Variants in CAPRIN1 observed in about 807,000 individuals in gnomAD.
CAPRIN1 encodes cell cycle associated protein 1.
A neutral mutation model predicts 100.9 loss-of-function variants in CAPRIN1; 29 were observed. The ratio of observed to expected loss-of-function variants is 0.29; its 90% CI spans 0.21 to 0.39. The LOEUF (loss-of-function observed/expected upper bound fraction) is 0.39. Among genes scored for constraint, CAPRIN1 ranks in the 10% least tolerant of loss-of-function variants. The pLI, the probability that CAPRIN1 is intolerant of heterozygous loss-of-function variation, is 1.00. For missense variants in CAPRIN1, 795 were observed against 876.7 expected (o/e 0.91, Z 1.18); for synonymous variants, 338 against 307.5 (o/e 1.10, Z -1.04).
intron 2 of CAPRIN1, among the ~76,000 whole-genome samples, chr11:34,067,687 C>G (rs1307869025): frequency 6.6e-6 from 1 of 151,964 alleles, no homozygotes; most frequent in East Asian, 1.9e-4. Context: ...TTTGTAGAGA[C>G]AGGTTCTCAC....
intron 4 of CAPRIN1, 147 bp from the exon 5 acceptor site, chr11:34,076,088 AT>A: frequency 1.6e-6 from 1 of 611,248 alleles, no homozygotes; most frequent in Non-Finnish European, 2.9e-6. Context: ...GTTTAAAACT[AT>A]TTGTAAGTCA....
rs1257984623 is a variant in CAPRIN1, at chr11:34,089,261, ACTCCCCCCCCC to A, written c.1232-132_1232-122del. The A allele has an allele frequency of 1.3e-3, 8 of 6,074 alleles. 2 individuals carry two copies. In the African/African-American group the frequency reaches 0.029, roughly 22 times the overall value. The allele number at this position is 6,074 out of a possible 1,614,324, so 0.4% of individuals were successfully genotyped here. A position where few individuals can be genotyped will look rare whatever the true frequency, so the allele number is the denominator to read the frequency against. The stretch of plus-strand genomic sequence containing the variant: ...TCCAGCCTGGGTGACAGAGTGAGAC[ACTCCCCCCCCC>A]CCCCCCCCCGCAAAAAAAAAAAAAA... On this transcript the variant is annotated intron_variant, in intron 11 of 18. Coordinates refer to ENST00000341394, the MANE Select transcript of CAPRIN1 (RefSeq NM_005898.5).
At chr11:34,068,644 G>T (rs923550886) in intron 2 of CAPRIN1, among the ~76,000 whole-genome samples, 1 of 152,112 alleles carries the variant, frequency 6.6e-6, no homozygotes, top group Non-Finnish European at 1.5e-5. Context: ...GTCAATTTTA[G>T]TATCTTTTCT....
chr11:34,068,794 T>C (rs36064867), intron 2 of CAPRIN1, among the ~76,000 whole-genome samples: 1 of 152,240 alleles, frequency 6.6e-6, no homozygotes, highest in South Asian at 2.1e-4. Context: ...TTTTTCATTG[T>C]TTATCTTTTT....
chr11:34,094,383 T>C (rs1378049046), intron 15 of CAPRIN1, among the ~76,000 whole-genome samples: 5 of 152,202 alleles, frequency 3.3e-5, no homozygotes, highest in African/African-American at 7.2e-5. Context: ...ATCATTTCAG[T>C]ATGTCCCATC....
At position 34,071,889 on chromosome 11, in the gene CAPRIN1, T is replaced by C. The variant is rs762443166; in HGVS notation, c.280-12T>C. 1.9e-6 allele frequency: 3 copies of C among 1,610,604 alleles called. No homozygotes were observed. The highest frequency in any genetic ancestry group is 2.5e-6 in the Non-Finnish European group (3 of 1,177,710). The stretch of plus-strand genomic sequence containing the variant: ...GTCTTTCCAGTAAAGTTTGGGTTCT[T>C]TGTCATTTTAGGATGCCGTTTCTAA... On this transcript the variant is annotated splice_polypyrimidine_tract_variant and intron_variant, in intron 3 of 18. Coordinates refer to ENST00000341394, the MANE Select transcript of CAPRIN1 (RefSeq NM_005898.5).
chr11:34,087,329 A>AT (rs5790975), intron 11 of CAPRIN1, among the ~76,000 whole-genome samples: 81,419 of 96,566 alleles, frequency 0.84, 35,867 homozygotes, highest in East Asian at 0.95. Flanking sequence ...TATCTCTCAC[A>AT]TTTTTTTTTT....
In CAPRIN1 at chr11:34,079,617, C is replaced by A. The variant is rs371614503; in HGVS notation, c.689-11C>A. The A allele has an allele frequency of 6.2e-7, 1 of 1,610,582 alleles. No individual in the cohort carries two copies. The highest frequency in any genetic ancestry group is 1.1e-5 in the South Asian group (1 of 90,890). On this transcript the variant is annotated splice_polypyrimidine_tract_variant and intron_variant, in intron 6 of 18. Transcript: ENST00000341394. ...TAAGTCTTACATTATAATTCATGTT[C>A]TTTTTCTTAGATAAAGTTCTAAAGG...
rs1851439329 is a variant in CAPRIN1, at chr11:34,100,596, C to T, written c.*1229C>T. On this transcript the variant is annotated 3_prime_UTR_variant, in exon 19 of 19. Coordinates refer to ENST00000341394, the MANE Select transcript of CAPRIN1 (RefSeq NM_005898.5). Reference sequence around the variant, plus strand: ...TGTCACAAATTTTATGGTTTATCTCCAGCAACATTTCTCTAGTACTTGCAC... The same window carrying T: ...TGTCACAAATTTTATGGTTTATCTCTAGCAACATTTCTCTAGTACTTGCAC... 1 of 152,186 alleles carries T rather than the reference C, an allele frequency of 6.6e-6. No individual in the cohort carries two copies. The highest frequency in any genetic ancestry group is 6.5e-5 in the Admixed American group (1 of 15,268). The allele number at this position is 152,186 out of a possible 1,614,324, so 9.4% of individuals were successfully genotyped here.
At chr11:34,065,865 A>G (rs1417299462) in intron 2 of CAPRIN1, among the ~76,000 whole-genome samples, 1 of 152,218 alleles carries the variant, frequency 6.6e-6, no homozygotes, top group Non-Finnish European at 1.5e-5. Flanking sequence ...TTAGGCAAGG[A>G]CAGGGGATAG....
Position 34,051,784 on chromosome 11 carries a change from G to C in CAPRIN1, c.-88G>C, listed in dbSNP as rs966243193. 1.3e-5 allele frequency: 2 copies of C among 152,356 alleles called. No homozygotes were observed. The highest frequency in any genetic ancestry group is 4.8e-5 in the African/African-American group (2 of 41,460). 9.4% of individuals were successfully genotyped at this position (152,356 alleles called of 1,614,324 possible). ...ACAGGGCGAAGCGGCCTGCGCCCACGGAGCGCGCGACACTGCCCGGAAGGG... is the reference window on the plus strand; with the variant it reads ...ACAGGGCGAAGCGGCCTGCGCCCACCGAGCGCGCGACACTGCCCGGAAGGG... On this transcript the variant is annotated 5_prime_UTR_variant, in exon 1 of 19. Transcript: ENST00000341394.
At chr11:34,080,400 A>G (rs548138303) in intron 7 of CAPRIN1, among the ~76,000 whole-genome samples, 14 of 152,284 alleles carry the variant, frequency 9.2e-5, no homozygotes, top group African/African-American at 3.4e-4. Context: ...AAGGATTTTC[A>G]AATAGGTTTC....
intron 2 of CAPRIN1, among the ~76,000 whole-genome samples, chr11:34,054,850 T>G (rs1223427616): frequency 2.0e-5 from 3 of 152,206 alleles, no homozygotes; most frequent in African/African-American, 7.2e-5. Flanking sequence ...TATTAATGAT[T>G]GTGAACATTA....
At chr11:34,064,332 A>G in intron 2 of CAPRIN1, among the ~76,000 whole-genome samples, 1 of 152,142 alleles carries the variant, frequency 6.6e-6, no homozygotes, top group East Asian at 1.9e-4. Flanking sequence ...TCATGCTGTA[A>G]ATTTTAACAC....
At position 34,076,658 on chromosome 11, in the gene CAPRIN1, A is replaced by AT; in HGVS notation, c.688+17dup. Reference sequence around the variant, plus strand: ...GGAACCACCTGTGAGTATCACTGTGATAACTTTGATTTTATAACTAGGAAT... The same window carrying AT: ...GGAACCACCTGTGAGTATCACTGTGATTAACTTTGATTTTATAACTAGGAAT... On this transcript the variant is annotated intron_variant, in intron 6 of 18. Coordinates refer to ENST00000341394, the MANE Select transcript of CAPRIN1 (RefSeq NM_005898.5). 6.5e-7 allele frequency: 1 copy of AT among 1,531,750 alleles called. No homozygotes were observed. The highest frequency in any genetic ancestry group is 9.0e-7 in the Non-Finnish European group (1 of 1,111,680). 94.9% of individuals were successfully genotyped at this position (1,531,750 alleles called of 1,614,324 possible).
At chr11:34,092,844 T>C (rs1851288715) in intron 15 of CAPRIN1, among the ~76,000 whole-genome samples, 1 of 152,106 alleles carries the variant, frequency 6.6e-6, no homozygotes, top group Non-Finnish European at 1.5e-5. Context: ...ACGATAGTAA[T>C]GTAGGTAGGG....
intron 4 of CAPRIN1, among the ~76,000 whole-genome samples, chr11:34,072,240 T>A (rs1590730169): frequency 6.6e-6 from 1 of 151,658 alleles, no homozygotes; most frequent in East Asian, 1.9e-4. Flanking sequence ...CAAGAGTTCA[T>A]GGCTGTGGTG....
At chr11:34,086,029 T>C in intron 9 of CAPRIN1, 35 bp from the exon 10 acceptor site, 3 of 1,606,130 alleles carry the variant, frequency 1.9e-6, no homozygotes, top group Non-Finnish European at 1.7e-6. Context: ...TTTTTTGCTC[T>C]CCTATTCCTT....
intron 4 of CAPRIN1, among the ~76,000 whole-genome samples, chr11:34,075,219 T>TC (rs1216659818): frequency 6.6e-6 from 1 of 152,264 alleles, no homozygotes; most frequent in East Asian, 1.9e-4. Context: ...TCATCATTCT[T>TC]CCCAGGTCTC....
Sources: allele counts gnomAD v4.1 joint callset (sites outside exome capture counted in the v4.1 genomes callset), GRCh38; gene constraint gnomAD v4.1.1; transcripts MANE v1.5; gene names NCBI Gene and HGNC (gene_info 2026-07-23, HGNC 2026-07-21).